The following TRPA1 variants were observed in gnomAD, a reference collection of about 807,000 sequenced individuals.
The protein encoded by TRPA1 is transient receptor potential cation channel subfamily A member 1, also known as ankyrin-like with transmembrane domains 1.
Under a neutral mutation model 131.3 loss-of-function variants are expected in TRPA1, and 129 were observed. The observed-to-expected ratio is 0.98, with a 90% confidence interval of 0.85 to 1.14. The LOEUF is 1.14. Among genes scored for constraint, TRPA1 ranks in the 50% most tolerant of loss-of-function variants. The pLI, the probability that TRPA1 is intolerant of heterozygous loss-of-function variation, is 0.00. For synonymous variants in TRPA1, 441 were observed against 451.7 expected (o/e 0.98, Z 0.30); for missense variants, 1,304 against 1,354.2 (o/e 0.96, Z 0.58).
chr8:72,022,682 G>C lies in TRPA1; in HGVS notation c.*224C>G. On this transcript the variant is annotated 3_prime_UTR_variant, in exon 27 of 27. Transcript: ENST00000262209. ...TGAGATTATATCTCATCAAAGTCCAGTCCAATTTGAACATATCTGCAAAGA... is the reference window on the plus strand; with the variant it reads ...TGAGATTATATCTCATCAAAGTCCACTCCAATTTGAACATATCTGCAAAGA... 1 of 599,474 alleles carries C rather than the reference G, an allele frequency of 1.7e-6. No homozygotes were observed. Among genetic ancestry groups the C allele is most frequent in the Non-Finnish European group, 3.0e-6 (1 of 335,232 alleles). 37.1% of individuals were successfully genotyped at this position (599,474 alleles called of 1,614,324 possible).
At chr8:72,069,749 T>TA (rs890644666) in intron 2 of TRPA1, among the ~76,000 whole-genome samples, 63 of 139,190 alleles carry the variant, frequency 4.5e-4, no homozygotes, top group South Asian at 9.3e-4. Flanking sequence ...AAAAAAAAAT[T>TA]AAAAAAAAAA....
At chr8:72,069,260 G>A in intron 2 of TRPA1, 62 bp from the exon 3 acceptor site, 2 of 1,538,986 alleles carry the variant, frequency 1.3e-6, no homozygotes, top group Non-Finnish European at 1.8e-6. Context: ...CACCTCCTGA[G>A]TGCCTATACA....
At position 72,050,869 on chromosome 8, in the gene TRPA1, C is replaced by T; in HGVS notation, c.1814G>A (p.Trp605Ter). The T allele has an allele frequency of 6.2e-7, 1 of 1,601,032 alleles. No individual in the cohort carries two copies. The highest frequency in any genetic ancestry group is 2.2e-5 in the East Asian group (1 of 44,732). ...VVLTIIRSKR[W>*]DECLKIFSHN... ...ACTGAAAATCTTAAGACATTCATCC[C>T]ATCTGTAAAAAATAAATAAGTAAGA... Residue 605 changes from tryptophan (W) to a stop codon, truncating the protein, a stop_gained and splice_region_variant, in exon 15 of 27, where the codon TGG becomes TAG. Transcript: ENST00000262209. LOFTEE classifies it high-confidence loss of function.
chr8:72,050,714 G>T, intron 15 of TRPA1, 64 bp downstream of exon 15: 1 of 1,045,608 alleles, frequency 9.6e-7, no homozygotes. Context: ...TTATTATTAG[G>T]TTGTGATTAC....
chr8:72,023,188 TAGG>T, intron 26 of TRPA1, 72 bp from the exon 27 acceptor site: 1 of 515,728 alleles, frequency 1.9e-6, no homozygotes. Flanking sequence ...TAGGAAGGCA[TAGG>T]TTTTAACCTC....
rs1461544955 is a variant in TRPA1 at position 72,071,234 on chromosome 8, C to T, written c.268+477G>A. On this transcript the variant is annotated intron_variant, in intron 2 of 26. Coordinates refer to ENST00000262209, the MANE Select transcript of TRPA1 (RefSeq NM_007332.3). ...CTTATATAGCAAAGGTCTTATCACA[C>T]CACTTCACTGCCTTCATCTCTGTGG... 2.6e-5 allele frequency among the ~76,000 whole-genome samples: 4 copies of T among 152,258 alleles called. No individual in the cohort carries two copies. The East Asian group carries it at 7.7e-4, about 29-fold the overall frequency.
the TRPA1 span, among the ~76,000 whole-genome samples, chr8:72,089,445 T>C: frequency 1.3e-5 from 2 of 152,134 alleles, no homozygotes; most frequent in Non-Finnish European, 2.9e-5. Context: ...TATTTAATAA[T>C]TTTATTATAT....
intron 23 of TRPA1, among the ~76,000 whole-genome samples, chr8:72,031,201 C>G (rs1178658932): frequency 6.6e-6 from 1 of 152,208 alleles, no homozygotes; most frequent in Non-Finnish European, 1.5e-5. Flanking sequence ...ATAGGTTTCA[C>G]TGGACAGGAT....
rs553261939 is a variant in TRPA1, at chr8:72,061,245, A to G, written c.944+380T>C. Reference sequence around the variant, plus strand: ...GGATTAGTGTGGGGGTGACATATCCATATGTATCTGCTCCATTTTTATCAC... The same window carrying G: ...GGATTAGTGTGGGGGTGACATATCCGTATGTATCTGCTCCATTTTTATCAC... On this transcript the variant is annotated intron_variant, in intron 7 of 26. Transcript: ENST00000262209. Among the ~76,000 whole-genome samples, 8 of 152,318 alleles carry G rather than the reference A, an allele frequency of 5.3e-5. No individual in the cohort carries two copies. In the East Asian group the frequency reaches 7.7e-4, roughly 15 times the overall value.
Position 72,065,539 on chromosome 8 carries a change from G to T in TRPA1, c.464C>A (p.Thr155Asn). 1 of 1,613,206 alleles carries T rather than the reference G, an allele frequency of 6.2e-7. No individual in the cohort carries two copies. The highest frequency in any genetic ancestry group is 8.5e-7 in the Non-Finnish European group (1 of 1,179,522). ...TTCTCCTTCCAAATTAACATCAATA[G>T]TTCTATGCTCAAGCAAGACCTAAAA... is the stretch of plus-strand genomic sequence containing the variant. The part of the protein sequence containing the change: ...EVMKVLLEHR[T>N]IDVNLEGENG... Residue 155 changes from threonine to asparagine, a missense_variant, in exon 4 of 27, where the codon ACT (threonine) becomes AAT (asparagine). Physicochemically the swap from Thr to Asn is moderately conservative, Grantham distance 65. Coordinates refer to ENST00000262209, the MANE Select transcript of TRPA1 (RefSeq NM_007332.3).
chr8:72,060,242 T>A (rs1171877055), intron 7 of TRPA1: 3 of 141,240 alleles, frequency 2.1e-5, no homozygotes, highest in African/African-American at 8.2e-5. Flanking sequence ...TAAGGCTGTG[T>A]TCTAAAGATA....
intron 23 of TRPA1, among the ~76,000 whole-genome samples, chr8:72,031,594 C>CA (rs59300122): frequency 0.19 from 27,822 of 144,622 alleles, 2,768 homozygotes; most frequent in South Asian, 0.31. Flanking sequence ...AACAAAAAAA[C>CA]AAAAAAAAAA....
chr8:72,038,167 T>C, intron 19 of TRPA1, 95 bp from the exon 20 acceptor site: 1 of 715,206 alleles, frequency 1.4e-6, no homozygotes, highest in South Asian at 1.8e-5. Context: ...TTTTCTTTTT[T>C]TTTTGCTTAA....
At position 72,071,771 on chromosome 8, in the gene TRPA1, C is replaced by T. The variant is rs745306223; in HGVS notation, c.208G>A (p.Ala70Thr). The T allele has an allele frequency of 3.7e-6, 6 of 1,613,696 alleles. No homozygotes were observed. The Admixed American group carries it at 1.0e-4, about 27-fold the overall frequency. ...AGCTCAATTTGGCCTTCTGCTGCAG[C>T]ATAATGCAAGAAGAAGGTGTCCATA... is the stretch of plus-strand genomic sequence containing the variant. ...DDMDTFFLHY[A>T]AAEGQIELME... The change falls in exon 2 of 27, where the codon GCT becomes ACT. Residue 70 changes from alanine to threonine, a missense_variant. By Grantham distance (58) the Ala-to-Thr change is moderately conservative. Coordinates refer to ENST00000262209, the MANE Select transcript of TRPA1 (RefSeq NM_007332.3).
intron 6 of TRPA1, 118 bp from the exon 7 acceptor site, chr8:72,061,879 T>C: frequency 9.3e-7 from 1 of 1,076,472 alleles, no homozygotes; most frequent in Non-Finnish European, 1.4e-6. Flanking sequence ...TCTATCAGGC[T>C]GATCACCATT....
intron 1 of TRPA1, among the ~76,000 whole-genome samples, chr8:72,072,430 G>T (rs567887645): frequency 1.3e-5 from 2 of 152,190 alleles, no homozygotes; most frequent in South Asian, 2.1e-4. Context: ...TTGAACTTTA[G>T]TTTTTGCTTT....
rs1811427554 is a variant in TRPA1, at chr8:72,022,467, C to G, written c.*439G>C. On this transcript the variant is annotated 3_prime_UTR_variant, in exon 27 of 27. Coordinates refer to ENST00000262209, the MANE Select transcript of TRPA1 (RefSeq NM_007332.3). ...CAGCTTAGGTTAGGTAGACCTCAAC[C>G]TAATATTTAAGACTATCATCTAAGG... is the stretch of plus-strand genomic sequence containing the variant. 3.3e-6 allele frequency: 1 copy of G among 300,516 alleles called. No individual in the cohort carries two copies. The highest frequency in any genetic ancestry group is 3.1e-5 in the South Asian group (1 of 32,316). 18.6% of individuals were successfully genotyped at this position (300,516 alleles called of 1,614,324 possible).
chr8:72,042,288 T>C (rs1269267869), intron 17 of TRPA1, among the ~76,000 whole-genome samples: 1 of 151,976 alleles, frequency 6.6e-6, no homozygotes, highest in African/African-American at 2.4e-5. Context: ...TAAGCACTAT[T>C]GTTTATGACT....
At position 72,021,671 on chromosome 8, in the gene TRPA1, CATCT is replaced by C. The variant is rs1393338798; in HGVS notation, c.*1231_*1234del. On this transcript the variant is annotated 3_prime_UTR_variant, in exon 27 of 27. Transcript: ENST00000262209. ...GGAAGGTGGAGGTAACCAAGCTGTC[CATCT>C]CTAGAAAAGTCCAGTGTGGTGGGTG... 2 of 139,256 alleles carry C rather than the reference CATCT, an allele frequency of 1.4e-5. No individual in the cohort carries two copies. Among genetic ancestry groups the C allele is most frequent in the African/African-American group, 5.1e-5 (2 of 38,930 alleles). 8.6% of individuals were successfully genotyped at this position (139,256 alleles called of 1,614,324 possible). A position where few individuals can be genotyped will look rare whatever the true frequency, so the allele number is the denominator to read the frequency against.
Sources: gnomAD v4.1 joint callset for allele counts (sites outside exome capture counted in the v4.1 genomes callset) on GRCh38, gnomAD v4.1.1 for gene constraint, MANE v1.5 for transcripts, NCBI Gene and HGNC (gene_info 2026-07-23, HGNC 2026-07-21) for gene names.